The following GRID2 variants were observed in gnomAD, a reference collection of about 807,000 sequenced individuals.
The protein encoded by GRID2 is glutamate ionotropic receptor delta type subunit 2.
GRID2 carries 33 observed loss-of-function variants against 114.8 expected under a neutral mutation model. The ratio of observed to expected loss-of-function variants is 0.29; its 90% CI spans 0.22 to 0.38. The LOEUF is 0.38. Ranked by LOEUF, GRID2 falls within the 10% of genes least tolerant of loss-of-function variation. The probability of loss-of-function intolerance (pLI) is 1.00; values close to 1 mark genes in which losing one functional copy is unlikely to be tolerated. For missense variants in GRID2, 1,184 were observed against 1,257.7 expected, an observed-to-expected ratio of 0.94 and a Z score of 0.89; for synonymous variants, 505 against 449.9, an observed-to-expected ratio of 1.12 and a Z score of -1.55.
intron 8 of GRID2, among the ~76,000 whole-genome samples, chr4:93,382,530 A>T (rs988309410): frequency 3.3e-5 from 5 of 151,314 alleles, no homozygotes; most frequent in East Asian, 1.9e-4. Context: ...TCTCTGGCAA[A>T]TTTTTTTCAT....
intron 8 of GRID2, among the ~76,000 whole-genome samples, chr4:93,273,550 T>C (rs1751734682): frequency 6.6e-6 from 1 of 151,822 alleles, no homozygotes; most frequent in African/African-American, 2.4e-5. Context: ...AGAGGAATTA[T>C]ATGGGAAAGA....
At chr4:93,650,525 A>G (rs1223413527) in intron 14 of GRID2, among the ~76,000 whole-genome samples, 1 of 152,196 alleles carries the variant, frequency 6.6e-6, no homozygotes, top group Non-Finnish European at 1.5e-5. Flanking sequence ...AAAGGGGCAC[A>G]AAAATAAGAA....
chr4:93,127,735 T>C (rs1191325651), intron 4 of GRID2, among the ~76,000 whole-genome samples: 2 of 152,050 alleles, frequency 1.3e-5, no homozygotes, highest in African/African-American at 4.8e-5. Context: ...TGGTGGCTCA[T>C]GCCTGTAATT....
chr4:92,380,454 T>C (rs763597448), intron 1 of GRID2, among the ~76,000 whole-genome samples: 1 of 151,972 alleles, frequency 6.6e-6, no homozygotes, highest in Non-Finnish European at 1.5e-5. Flanking sequence ...ATATCAGGTA[T>C]TTATAATACA....
At chr4:92,951,665 T>C (rs899524481) in intron 2 of GRID2, among the ~76,000 whole-genome samples, 3 of 152,120 alleles carry the variant, frequency 2.0e-5, no homozygotes, top group Non-Finnish European at 4.4e-5. Context: ...CACCATAAGT[T>C]CAAATATTAA....
At chr4:93,286,024 G>A (rs1363563356) in intron 8 of GRID2, among the ~76,000 whole-genome samples, 2 of 152,094 alleles carry the variant, frequency 1.3e-5, no homozygotes, top group African/African-American at 2.4e-5. Flanking sequence ...TATAATTTAT[G>A]CCTACATGTA....
At chr4:92,327,102 G>T (rs1726638350) in intron 1 of GRID2, among the ~76,000 whole-genome samples, 1 of 151,938 alleles carries the variant, frequency 6.6e-6, no homozygotes, top group Admixed American at 6.6e-5. Context: ...CTACTGAGTG[G>T]TCATTAAAAT....
rs1734203244 is a variant in GRID2, at chr4:93,772,645, C to G, written c.*147C>G. On this transcript the variant is annotated 3_prime_UTR_variant, in exon 16 of 16. Coordinates refer to ENST00000282020, the MANE Select transcript of GRID2 (RefSeq NM_001510.4). ...TTCTAGTTTTTTCCTCCCACCTTCT[C>G]CCTCTCCTCTCTCCTCTATGATTTT... 5 of 586,986 alleles carry G rather than the reference C, an allele frequency of 8.5e-6. No individual in the cohort carries two copies. In the South Asian group the frequency reaches 9.9e-5, roughly 12 times the overall value. The allele number at this position is 586,986 out of a possible 1,614,324, so 36.4% of individuals were successfully genotyped here. A position where few individuals can be genotyped will look rare whatever the true frequency, so the allele number is the denominator to read the frequency against.
intron 2 of GRID2, among the ~76,000 whole-genome samples, chr4:92,924,601 GAT>G (rs1487808793): frequency 6.6e-6 from 1 of 152,066 alleles, no homozygotes; most frequent in Non-Finnish European, 1.5e-5. Flanking sequence ...CTTGTAGATA[GAT>G]CGGTCCATGC....
intron 2 of GRID2, among the ~76,000 whole-genome samples, chr4:92,611,976 A>T (rs1729770304): frequency 6.6e-6 from 1 of 151,496 alleles, no homozygotes; most frequent in Non-Finnish European, 1.5e-5. Context: ...GGAGTATTTT[A>T]AAATGCAAAT....
chr4:93,086,462 T>C (rs1730333453), intron 3 of GRID2, among the ~76,000 whole-genome samples: 2 of 152,104 alleles, frequency 1.3e-5, no homozygotes, highest in South Asian at 4.1e-4. Flanking sequence ...AAGAAAGAGC[T>C]CCTGTGGACT....
At chr4:92,756,087 C>T (rs971028212) in intron 2 of GRID2, among the ~76,000 whole-genome samples, 5 of 152,178 alleles carry the variant, frequency 3.3e-5, no homozygotes, top group South Asian at 2.1e-4. Context: ...TCTCTTCACA[C>T]GCGTCCCCAC....
At chr4:93,679,367 A>C (rs1288676908) in intron 14 of GRID2, among the ~76,000 whole-genome samples, 1 of 150,894 alleles carries the variant, frequency 6.6e-6, no homozygotes, top group South Asian at 2.1e-4. Context: ...TAGACAGATC[A>C]ACGAGACAGA....
intron 12 of GRID2, among the ~76,000 whole-genome samples, chr4:93,510,421 T>C (rs1729051659): frequency 6.6e-6 from 1 of 152,118 alleles, no homozygotes; most frequent in Admixed American, 6.6e-5. Context: ...AGGAAAAAAA[T>C]ATAAGTGAAA....
chr4:93,536,552 A>T (rs2149521252), intron 13 of GRID2, among the ~76,000 whole-genome samples: 1 of 151,878 alleles, frequency 6.6e-6, no homozygotes, highest in South Asian at 2.1e-4. Flanking sequence ...TAAAGACTTT[A>T]TTGTAAGATG....
chr4:92,712,860 A>G (rs1163909355), intron 2 of GRID2, among the ~76,000 whole-genome samples: 13 of 152,194 alleles, frequency 8.5e-5, no homozygotes, highest in Admixed American at 8.5e-4. Context: ...TTAAAAATAA[A>G]TGTTAATATT....
chr4:92,706,627 A>T (rs775220027), intron 2 of GRID2, among the ~76,000 whole-genome samples: 1 of 152,310 alleles, frequency 6.6e-6, no homozygotes, highest in South Asian at 2.1e-4. Flanking sequence ...TTTAGTGGGC[A>T]GAGATAGTAG....
At chr4:92,851,567 AGAGAT>A (rs1267340129) in intron 2 of GRID2, among the ~76,000 whole-genome samples, 1 of 152,022 alleles carries the variant, frequency 6.6e-6, no homozygotes, top group Admixed American at 6.6e-5. Flanking sequence ...AATGTAATTA[AGAGAT>A]AATTATGTAG....
At chr4:93,659,369 G>C (rs1000552116) in intron 14 of GRID2, among the ~76,000 whole-genome samples, 2 of 151,928 alleles carry the variant, frequency 1.3e-5, no homozygotes, top group African/African-American at 4.8e-5. Context: ...CTCCATTGTG[G>C]GTATAGGCTG....
Sources: gnomAD v4.1 joint callset for allele counts (sites outside exome capture counted in the v4.1 genomes callset) on GRCh38, gnomAD v4.1.1 for gene constraint, MANE v1.5 for transcripts, NCBI Gene and HGNC (gene_info 2026-07-23, HGNC 2026-07-21) for gene names.